BRINP3: variants seen among roughly 807,000 people sequenced by gnomAD.
BRINP3 encodes BMP/retinoic acid-inducible neural-specific protein 3.
A neutral mutation model predicts 71.0 loss-of-function variants in BRINP3; 19 were observed. The observed-to-expected ratio is 0.27, with a 90% CI of 0.19 to 0.39. The LOEUF (loss-of-function observed/expected upper bound fraction) is 0.39. BRINP3 is among the 10% of genes least tolerant of loss of function. BRINP3 has a pLI of 1.00. For synonymous variants in BRINP3, 380 were observed against 337.7 expected (o/e 1.13, Z -1.37); for missense variants, 959 against 940.8 (o/e 1.02, Z -0.25).
intron 2 of BRINP3, among the ~76,000 whole-genome samples, chr1:190,332,858 T>C (rs1667056124): frequency 6.6e-6 from 1 of 151,996 alleles, no homozygotes; most frequent in Non-Finnish European, 1.5e-5. Flanking sequence ...CAGGCTATTA[T>C]CAATCCGGGT....
At chr1:190,316,215 G>A (rs532227959) in intron 2 of BRINP3, among the ~76,000 whole-genome samples, 2 of 152,228 alleles carry the variant, frequency 1.3e-5, no homozygotes, top group African/African-American at 4.8e-5. Context: ...AAACTTCGTG[G>A]TTTGTTTGTT....
At chr1:190,224,260 C>G (rs1657134613) in intron 6 of BRINP3, among the ~76,000 whole-genome samples, 1 of 151,788 alleles carries the variant, frequency 6.6e-6, no homozygotes, top group East Asian at 1.9e-4. Context: ...CTATCACAAT[C>G]AAAACAGCAT....
chr1:190,145,154 A>C (rs1185097575), intron 7 of BRINP3, among the ~76,000 whole-genome samples: 1 of 152,046 alleles, frequency 6.6e-6, no homozygotes, highest in Non-Finnish European at 1.5e-5. Flanking sequence ...ATTTATATAC[A>C]TTATATATAA....
intron 1 of BRINP3, among the ~76,000 whole-genome samples, chr1:190,472,689 G>A (rs1677212593): frequency 6.6e-6 from 1 of 151,550 alleles, no homozygotes. Flanking sequence ...TAAAAGTTTG[G>A]AAATCCCAAC....
chr1:190,412,824 T>C (rs1352350493), intron 2 of BRINP3, among the ~76,000 whole-genome samples: 1 of 151,998 alleles, frequency 6.6e-6, no homozygotes, highest in East Asian at 1.9e-4. Context: ...TTAAAAAAAT[T>C]TTGGTAAAAA....
chr1:190,254,102 C>T (rs1421451994), intron 4 of BRINP3, among the ~76,000 whole-genome samples: 15 of 151,990 alleles, frequency 9.9e-5, no homozygotes, highest in African/African-American at 3.4e-4. Flanking sequence ...TTTCTGAGGC[C>T]TCTGTTCTGT....
chr1:190,132,365 G>T (rs562348666), intron 7 of BRINP3, among the ~76,000 whole-genome samples: 2 of 151,802 alleles, frequency 1.3e-5, no homozygotes, highest in Non-Finnish European at 2.9e-5. Flanking sequence ...TACAATTTTC[G>T]TAGTGTATTG....
intron 6 of BRINP3, among the ~76,000 whole-genome samples, chr1:190,206,415 C>A (rs1344475058): frequency 6.6e-6 from 1 of 151,530 alleles, no homozygotes; most frequent in African/African-American, 2.4e-5. Context: ...AGGTGTGTGA[C>A]AATGGTAGAA....
chr1:190,468,769 T>G (rs1676936564), intron 1 of BRINP3, among the ~76,000 whole-genome samples: 1 of 151,062 alleles, frequency 6.6e-6, no homozygotes, highest in African/African-American at 2.4e-5. Flanking sequence ...ATAAAGTGTC[T>G]CCACTCAAAA....
intron 2 of BRINP3, among the ~76,000 whole-genome samples, chr1:190,432,124 C>A (rs1674139508): frequency 6.6e-6 from 1 of 152,092 alleles, no homozygotes; most frequent in South Asian, 2.1e-4. Context: ...ATGTAAATCC[C>A]TGATAATTTT....
chr1:190,214,845 T>C (rs1322893683), intron 6 of BRINP3, among the ~76,000 whole-genome samples: 1 of 151,966 alleles, frequency 6.6e-6, no homozygotes, highest in Non-Finnish European at 1.5e-5. Context: ...CTGTCCTTAA[T>C]GACAGACCAT....
At chr1:190,448,460 G>GGGGGGTGT (rs531555875) in intron 2 of BRINP3, among the ~76,000 whole-genome samples, 34 of 65,522 alleles carry the variant, frequency 5.2e-4, no homozygotes, top group African/African-American at 1.6e-3. Flanking sequence ...CTACACTTGG[G>GGGGGGTGT]GTTTGTGTGT....
intron 4 of BRINP3, among the ~76,000 whole-genome samples, chr1:190,235,938 C>T (rs146246435): frequency 2.0e-5 from 3 of 151,956 alleles, no homozygotes; most frequent in Admixed American, 1.3e-4. Flanking sequence ...TCTAAAAATG[C>T]GGGAGTTTTT....
At chr1:190,264,804 T>G in intron 4 of BRINP3, 61 bp downstream of exon 4, 1 of 1,415,380 alleles carries the variant, frequency 7.1e-7, no homozygotes, top group Non-Finnish European at 9.7e-7. Flanking sequence ...TAAAAATGCC[T>G]TTTGGATATA....
At chr1:190,125,062 A>T (rs1211008946) in intron 7 of BRINP3, among the ~76,000 whole-genome samples, 1 of 152,018 alleles carries the variant, frequency 6.6e-6, no homozygotes, top group Non-Finnish European at 1.5e-5. Flanking sequence ...AGGAAATTGA[A>T]ACCAGATTGA....
At chr1:190,438,527 T>A (rs1388583779) in intron 2 of BRINP3, among the ~76,000 whole-genome samples, 6 of 151,878 alleles carry the variant, frequency 4.0e-5, no homozygotes, top group Admixed American at 1.3e-4. Flanking sequence ...AAAGCCATCA[T>A]GAAGCTTGAC....
chr1:190,325,044 T>C (rs913402462), intron 2 of BRINP3, among the ~76,000 whole-genome samples: 2 of 151,820 alleles, frequency 1.3e-5, no homozygotes, highest in African/African-American at 2.4e-5. Context: ...CAAATAAATA[T>C]TAAAAACTAA....
chr1:190,389,662 T>C (rs1057159602), intron 2 of BRINP3, among the ~76,000 whole-genome samples: 5 of 151,782 alleles, frequency 3.3e-5, no homozygotes, highest in African/African-American at 1.2e-4. Context: ...TTAAGGCACA[T>C]CATTTGGCAC....
intron 7 of BRINP3, among the ~76,000 whole-genome samples, chr1:190,114,786 A>G (rs946200525): frequency 6.6e-6 from 1 of 152,090 alleles, no homozygotes; most frequent in African/African-American, 2.4e-5. Context: ...CTACAGCTTC[A>G]CTGGTCTCTT....
Sources: allele counts gnomAD v4.1 joint callset (sites outside exome capture counted in the v4.1 genomes callset), GRCh38; gene constraint gnomAD v4.1.1; transcripts MANE v1.5; gene names NCBI Gene and HGNC (gene_info 2026-07-23, HGNC 2026-07-21).